The following PPM1L variants were observed in gnomAD, a reference collection of about 807,000 sequenced individuals.
The protein encoded by PPM1L is protein phosphatase 1L.
Under a neutral mutation model 31.4 loss-of-function variants are expected in PPM1L, and 13 were observed. That is an observed-to-expected ratio of 0.41 (90% CI 0.27 to 0.66). The LOEUF is 0.66. Among genes scored for constraint, PPM1L ranks in the 30% least tolerant of loss-of-function variants. The pLI, the probability that PPM1L is intolerant of heterozygous loss-of-function variation, is 0.29. For synonymous variants in PPM1L, 184 were observed against 175.4 expected (o/e 1.05, Z -0.39); for missense variants, 326 against 453.7 (o/e 0.72, Z 2.56).
At chr3:160,859,035 G>A (rs1401810828) in intron 1 of PPM1L, among the ~76,000 whole-genome samples, 1 of 152,144 alleles carries the variant, frequency 6.6e-6, no homozygotes, top group Non-Finnish European at 1.5e-5. Flanking sequence ...AGAATGGATG[G>A]ATCAGAAGTC....
chr3:160,957,140 A>G (rs144539940), intron 1 of PPM1L, among the ~76,000 whole-genome samples: 18 of 152,370 alleles, frequency 1.2e-4, no homozygotes, highest in Non-Finnish European at 2.2e-4. Flanking sequence ...ACTAAAACCA[A>G]TAAGAGACCA....
At chr3:160,867,154 A>C (rs574887534) in intron 1 of PPM1L, among the ~76,000 whole-genome samples, 1 of 152,136 alleles carries the variant, frequency 6.6e-6, no homozygotes, top group Non-Finnish European at 1.5e-5. Flanking sequence ...ACAACTTTTA[A>C]AAGAACTGAG....
At chr3:160,794,071 G>A (rs995898744) in intron 1 of PPM1L, among the ~76,000 whole-genome samples, 2 of 147,818 alleles carry the variant, frequency 1.4e-5, no homozygotes, top group Admixed American at 6.6e-5. Flanking sequence ...CTCCCTCACC[G>A]AGCTATGTCT....
chr3:160,806,067 A>G (rs182795904), intron 1 of PPM1L, among the ~76,000 whole-genome samples: 188 of 152,106 alleles, frequency 1.2e-3, no homozygotes, highest in African/African-American at 4.3e-3. Context: ...TGCTTGGCCC[A>G]TTTGCATTAC....
intron 1 of PPM1L, among the ~76,000 whole-genome samples, chr3:160,900,417 TCCTACTAGCAGCAGCCTTTTAATCAATA>T (rs1234667433): frequency 6.6e-6 from 1 of 152,114 alleles, no homozygotes; most frequent in African/African-American, 2.4e-5. Context: ...ATATTTTCTT[TCCTACTAGCAGCAGCCTTTTAATCAATA>T]CCTACATACT....
At chr3:160,917,224 G>A (rs1714215324) in intron 1 of PPM1L, among the ~76,000 whole-genome samples, 1 of 151,990 alleles carries the variant, frequency 6.6e-6, no homozygotes, top group Non-Finnish European at 1.5e-5. Context: ...TTAATTAGTG[G>A]GACAAATTTG....
At chr3:160,920,214 T>C (rs976232811) in intron 1 of PPM1L, among the ~76,000 whole-genome samples, 1 of 152,144 alleles carries the variant, frequency 6.6e-6, no homozygotes, top group Non-Finnish European at 1.5e-5. Context: ...AGCCAGCCAG[T>C]GCCCACAGCC....
At chr3:160,958,766 TA>T (rs1715860849) in intron 1 of PPM1L, among the ~76,000 whole-genome samples, 1 of 152,216 alleles carries the variant, frequency 6.6e-6, no homozygotes, top group South Asian at 2.1e-4. Flanking sequence ...AATCTGGAAC[TA>T]AAACGTGTTG....
Position 161,078,164 on chromosome 3 carries a change from A to C in PPM1L, c.*9007A>C, listed in dbSNP as rs1427391452. The C allele has an allele frequency of 1.3e-5, 2 of 152,198 alleles. No homozygotes were observed. Among genetic ancestry groups the C allele is most frequent in the Non-Finnish European group, 2.9e-5 (2 of 68,030 alleles). 9.4% of individuals were successfully genotyped at this position (152,198 alleles called of 1,614,324 possible). On this transcript the variant is annotated 3_prime_UTR_variant, in exon 4 of 4. Transcript: ENST00000498165. ...TGATTTAGTAAGATTAAAACCATAG[A>C]TGGAGCTCAGTTATTAAGGATGGAA...
intron 2 of PPM1L, among the ~76,000 whole-genome samples, chr3:160,973,769 T>G (rs1224510695): frequency 4.6e-5 from 2 of 43,946 alleles, no homozygotes; most frequent in African/African-American, 2.8e-4. Context: ...GCCCTGTTTT[T>G]TTTTTTTTTT....
chr3:160,831,130 T>A (rs944988952), intron 1 of PPM1L, among the ~76,000 whole-genome samples: 2 of 152,226 alleles, frequency 1.3e-5, no homozygotes, highest in African/African-American at 4.8e-5. Flanking sequence ...TGGACACATA[T>A]TTAAAAGTCA....
At position 161,070,444 on chromosome 3, in the gene PPM1L, G is replaced by A. The variant is rs1223705715; in HGVS notation, c.*1287G>A. The A allele has an allele frequency of 6.6e-6, 1 of 152,234 alleles. No homozygotes were observed. Among genetic ancestry groups the A allele is most frequent in the Non-Finnish European group, 1.5e-5 (1 of 68,060 alleles). 9.4% of individuals were successfully genotyped at this position (152,234 alleles called of 1,614,324 possible). On this transcript the variant is annotated 3_prime_UTR_variant, in exon 4 of 4. Coordinates refer to ENST00000498165, the MANE Select transcript of PPM1L (RefSeq NM_139245.4). ...TGCAGGGGAGGCAGCAAAGGGACCT[G>A]GCAGTTGCAACACAGTAAGTCAGGA...
At chr3:160,867,453 A>G (rs947828279) in intron 1 of PPM1L, among the ~76,000 whole-genome samples, 1 of 150,050 alleles carries the variant, frequency 6.7e-6, no homozygotes, top group Non-Finnish European at 1.5e-5. Context: ...CCTCCTCTAT[A>G]CTGTTATGGT....
chr3:160,829,939 A>G (rs953502797), intron 1 of PPM1L, among the ~76,000 whole-genome samples: 7 of 152,196 alleles, frequency 4.6e-5, no homozygotes, highest in Admixed American at 6.5e-5. Flanking sequence ...CTGCACCTCA[A>G]CTTGCAAAGG....
At chr3:160,777,563 T>C (rs1414392234) in intron 1 of PPM1L, among the ~76,000 whole-genome samples, 1 of 152,210 alleles carries the variant, frequency 6.6e-6, no homozygotes, top group Non-Finnish European at 1.5e-5. Context: ...TTCTACTTTC[T>C]GATTTCTGTG....
At chr3:160,786,189 A>G (rs572070217) in intron 1 of PPM1L, among the ~76,000 whole-genome samples, 786 of 31,734 alleles carry the variant, frequency 0.025, 1 homozygote, top group Non-Finnish European at 0.028. Context: ...GTGTGTGTGT[A>G]TATATATATA....
chr3:160,781,576 GA>G (rs1204885939), intron 1 of PPM1L, among the ~76,000 whole-genome samples: 2 of 152,208 alleles, frequency 1.3e-5, no homozygotes, highest in African/African-American at 4.8e-5. Flanking sequence ...GCACATGAAA[GA>G]AATCCTGTGG....
intron 1 of PPM1L, among the ~76,000 whole-genome samples, chr3:160,807,616 C>T (rs1712642526): frequency 6.6e-6 from 1 of 152,076 alleles, no homozygotes; most frequent in Non-Finnish European, 1.5e-5. Flanking sequence ...GAAGAAAAGC[C>T]ACTATCACTT....
In PPM1L at chr3:160,970,110, G is replaced by A. The variant is rs866365819; in HGVS notation, c.574+8200G>A. 4.6e-5 allele frequency among the ~76,000 whole-genome samples: 7 copies of A among 152,058 alleles called. No homozygotes were observed. In the South Asian group the frequency reaches 8.3e-4, roughly 18 times the overall value. Reference sequence around the variant, plus strand: ...AATAACTGCAGTACTCTATTGAGTGGATATACCACAGTTATTCTCACAACC... The same window carrying A: ...AATAACTGCAGTACTCTATTGAGTGAATATACCACAGTTATTCTCACAACC... On this transcript the variant is annotated intron_variant, in intron 2 of 3. Coordinates refer to ENST00000498165, the MANE Select transcript of PPM1L (RefSeq NM_139245.4).
Sources: gnomAD v4.1 joint callset for allele counts (sites outside exome capture counted in the v4.1 genomes callset) on GRCh38, gnomAD v4.1.1 for gene constraint, MANE v1.5 for transcripts, NCBI Gene and HGNC (gene_info 2026-07-23, HGNC 2026-07-21) for gene names.